The following RNF157 variants were observed in gnomAD, a reference collection of about 807,000 sequenced individuals.
RNF157 encodes E3 ubiquitin ligase RNF157.
Under a neutral mutation model 88.3 loss-of-function variants are expected in RNF157, and 55 were observed. The ratio of observed to expected loss-of-function variants is 0.62; its 90% CI spans 0.50 to 0.78. RNF157 has a LOEUF of 0.78. Ranked by LOEUF, RNF157 falls within the 30% of genes least tolerant of loss-of-function variation. RNF157 has a pLI of 0.00. For synonymous variants in RNF157, 334 were observed against 341.2 expected (o/e 0.98, Z 0.23); for missense variants, 788 against 860.8 (o/e 0.92, Z 1.06).
chr17:76,170,643 T>C (rs2068998717), intron 3 of RNF157, among the ~76,000 whole-genome samples: 1 of 152,126 alleles, frequency 6.6e-6, no homozygotes, highest in Non-Finnish European at 1.5e-5. Context: ...CATTTTAGCC[T>C]CCCACCTCAA....
chr17:76,201,668 ATATAT>A (rs2069581474), intron 2 of RNF157, among the ~76,000 whole-genome samples: 1 of 152,138 alleles, frequency 6.6e-6, no homozygotes, highest in Non-Finnish European at 1.5e-5. Context: ...ACACACATAC[ATATAT>A]TATTTTTATC....
chr17:76,175,877 T>G (rs1196040982), intron 2 of RNF157: 1 of 698,870 alleles, frequency 1.4e-6, no homozygotes, highest in African/African-American at 1.9e-5. Flanking sequence ...TTATCCTCCA[T>G]TTTGAATATA....
rs995364716 is a variant in RNF157 at position 76,220,404 on chromosome 17, A to C, written c.89-7922T>G. Among the ~76,000 whole-genome samples the C allele has an allele frequency of 4.2e-5, 6 of 142,528 alleles. 1 individual carries two copies. Among genetic ancestry groups the C allele is most frequent in the Admixed American group, 4.2e-4 (6 of 14,356 alleles). The allele number at this position is 142,528 out of a possible 152,430, so 93.5% of individuals were successfully genotyped here. A position where few individuals can be genotyped will look rare whatever the true frequency, so the allele number is the denominator to read the frequency against. On this transcript the variant is annotated intron_variant, in intron 1 of 18. Transcript: ENST00000269391. ...GATATCTAAAAAAAAAAAAAAAAAA[A>C]GGTTACCTTTGAAGGATGCTAGTAA... is the stretch of plus-strand genomic sequence containing the variant.
chr17:76,147,274 C>A, intron 18 of RNF157: 3 of 984,884 alleles, frequency 3.0e-6, no homozygotes, highest in Non-Finnish European at 3.6e-6. Context: ...CATACCTATT[C>A]CTCAATGTTT....
At chr17:76,221,979 G>A (rs1360017322) in intron 1 of RNF157, among the ~76,000 whole-genome samples, 1 of 152,210 alleles carries the variant, frequency 6.6e-6, no homozygotes, top group Non-Finnish European at 1.5e-5. Context: ...TAAATCCACA[G>A]AGAGAGTAGA....
intron 13 of RNF157, among the ~76,000 whole-genome samples, chr17:76,158,088 T>C (rs2068792664): frequency 6.6e-6 from 1 of 152,070 alleles, no homozygotes; most frequent in African/African-American, 2.4e-5. Context: ...GGCACACATG[T>C]ATTTTTTTAC....
In RNF157 at chr17:76,183,282, A is replaced by C. The variant is rs1356087271; in HGVS notation, c.208-9492T>G. ...AAACTGCAGATCCCAGGGCCCTGTC[A>C]CTAGAATTCTGATTCAGCTAGTTTG... On this transcript the variant is annotated intron_variant, in intron 2 of 18. Transcript: ENST00000269391. 3.3e-5 allele frequency among the ~76,000 whole-genome samples: 5 copies of C among 152,130 alleles called. No homozygotes were observed. In the East Asian group the frequency reaches 9.7e-4, roughly 29 times the overall value.
intron 4 of RNF157, 25 bp from the exon 5 acceptor site, chr17:76,167,151 G>A (rs1217136071): frequency 1.9e-6 from 3 of 1,560,406 alleles, no homozygotes; most frequent in South Asian, 2.2e-5. Flanking sequence ...GGGAGGCAAA[G>A]CAAAAGTCAG....
chr17:76,211,241 C>T (rs768565361), intron 2 of RNF157, among the ~76,000 whole-genome samples: 1 of 152,208 alleles, frequency 6.6e-6, no homozygotes. Flanking sequence ...TTTGCCAATT[C>T]AACAACTTGA....
At chr17:76,225,577 G>A (rs934216210) in intron 1 of RNF157, among the ~76,000 whole-genome samples, 5 of 151,402 alleles carry the variant, frequency 3.3e-5, no homozygotes, top group African/African-American at 1.2e-4. Context: ...TGATCTGCAA[G>A]TTGCTTTCAC....
chr17:76,229,348 C>A (rs1019389292), intron 1 of RNF157, among the ~76,000 whole-genome samples: 1 of 152,178 alleles, frequency 6.6e-6, no homozygotes, highest in Non-Finnish European at 1.5e-5. Context: ...AGCTTTGTGA[C>A]CCAGGACAAA....
intron 2 of RNF157, among the ~76,000 whole-genome samples, chr17:76,210,893 T>G (rs192033134): frequency 1.3e-5 from 2 of 152,162 alleles, no homozygotes; most frequent in African/African-American, 2.4e-5. Context: ...CAACCTCCAC[T>G]TCCCGGGTTC....
chr17:76,197,820 T>C (rs2069502538), intron 2 of RNF157, among the ~76,000 whole-genome samples: 1 of 152,220 alleles, frequency 6.6e-6, no homozygotes. Flanking sequence ...ACTCTCAGCC[T>C]ATACTAGTCT....
At chr17:76,177,498 T>C (rs1056545324) in intron 2 of RNF157, among the ~76,000 whole-genome samples, 2 of 151,956 alleles carry the variant, frequency 1.3e-5, no homozygotes, top group Admixed American at 1.3e-4. Context: ...TTCCAGACTT[T>C]GGGCACTGAT....
intron 2 of RNF157, among the ~76,000 whole-genome samples, chr17:76,183,315 A>C (rs1265077300): frequency 6.6e-6 from 1 of 152,120 alleles, no homozygotes; most frequent in African/African-American, 2.4e-5. Context: ...TTGGGGTAGG[A>C]ACTAGGAATC....
At position 76,155,321 on chromosome 17, in the gene RNF157, C is replaced by G. The variant is rs748357353; in HGVS notation, c.1699-4G>C. ...CTGGAGACTCCGCTGGCAGCCCCTG[C>G]AGAAGAGCACAGTTTTTACAGGCTC... On this transcript the variant is annotated splice_region_variant and splice_polypyrimidine_tract_variant and intron_variant, in intron 15 of 18. Coordinates refer to ENST00000269391, the MANE Select transcript of RNF157 (RefSeq NM_052916.3). 1.9e-6 allele frequency: 3 copies of G among 1,613,970 alleles called. No homozygotes were observed. The South Asian group carries it at 3.3e-5, about 18-fold the overall frequency.
At position 76,205,322 on chromosome 17, in the gene RNF157, C is replaced by G. The variant is rs186031389; in HGVS notation, c.207+7042G>C. ...CCTGGCTAATTTTTTTTTGTAGAGT[C>G]GGGGTTTTGCTATGTTGCCCAGGCT... On this transcript the variant is annotated intron_variant, in intron 2 of 18. Transcript: ENST00000269391. Among the ~76,000 whole-genome samples the G allele has an allele frequency of 6.1e-3, 925 of 151,228 alleles. 11 individuals are homozygous for G. Among genetic ancestry groups the G allele is most frequent in the African/African-American group, 0.021 (881 of 41,272 alleles).
intron 2 of RNF157, among the ~76,000 whole-genome samples, chr17:76,179,367 T>C (rs189732305): frequency 1.2e-4 from 18 of 149,690 alleles, no homozygotes; most frequent in African/African-American, 2.7e-4. Flanking sequence ...GCACTCCAGC[T>C]TGGGGGAGAG....
intron 2 of RNF157, among the ~76,000 whole-genome samples, chr17:76,178,639 T>A (rs2069142254): frequency 6.6e-6 from 1 of 152,238 alleles, no homozygotes; most frequent in Non-Finnish European, 1.5e-5. Flanking sequence ...AAAGATCACA[T>A]AATACTATGT....
Sources: gnomAD v4.1 joint callset for allele counts (sites outside exome capture counted in the v4.1 genomes callset) on GRCh38, gnomAD v4.1.1 for gene constraint, MANE v1.5 for transcripts, NCBI Gene and HGNC (gene_info 2026-07-23, HGNC 2026-07-21) for gene names.